The following SCHIP1 variants were observed in gnomAD, a reference collection of about 807,000 sequenced individuals.
SCHIP1 encodes the protein schwannomin-interacting protein 1.
SCHIP1 carries 8 observed loss-of-function variants against 29.7 expected under a neutral mutation model. That is an observed-to-expected ratio of 0.27 (90% confidence interval 0.16 to 0.49). The LOEUF is 0.49. Ranked by LOEUF, SCHIP1 falls within the 20% of genes least tolerant of loss-of-function variation. The pLI, the probability that SCHIP1 is intolerant of heterozygous loss-of-function variation, is 0.99. For missense variants in SCHIP1, 193 were observed against 294.6 expected (o/e 0.66, Z 2.52); for synonymous variants, 76 against 94.9 (o/e 0.80, Z 1.16).
the SCHIP1 span, among the ~76,000 whole-genome samples, chr3:159,773,455 C>T: frequency 2.0e-5 from 3 of 152,198 alleles, no homozygotes; most frequent in Non-Finnish European, 4.4e-5. Flanking sequence ...TCACCCGACT[C>T]CTAATTCCCA....
At chr3:159,773,408 C>T in the SCHIP1 span, among the ~76,000 whole-genome samples, 1 of 152,202 alleles carries the variant, frequency 6.6e-6, no homozygotes, top group South Asian at 2.1e-4. Context: ...CACATCTTCA[C>T]CTAACTTCCT....
the SCHIP1 span, among the ~76,000 whole-genome samples, chr3:159,582,326 G>A: frequency 6.6e-6 from 1 of 151,740 alleles, no homozygotes; most frequent in Admixed American, 6.6e-5. Flanking sequence ...ACCATGTCTG[G>A]CTTATTTTTT....
the SCHIP1 span, among the ~76,000 whole-genome samples, chr3:159,748,569 G>A: frequency 6.6e-6 from 1 of 152,150 alleles, no homozygotes; most frequent in African/African-American, 2.4e-5. Context: ...CTCCTTCACT[G>A]TGCCCAGCTC....
chr3:159,556,104 A>G, the SCHIP1 span, among the ~76,000 whole-genome samples: 1 of 152,186 alleles, frequency 6.6e-6, no homozygotes, highest in South Asian at 2.1e-4. Flanking sequence ...AAAAGTGGGC[A>G]AAGGACATGA....
the SCHIP1 span, among the ~76,000 whole-genome samples, chr3:159,650,995 G>C: frequency 2.0e-5 from 3 of 152,086 alleles, no homozygotes; most frequent in African/African-American, 7.2e-5. Context: ...TTACCTCTCT[G>C]TGACTCATCT....
At chr3:159,431,548 C>T in the SCHIP1 span, among the ~76,000 whole-genome samples, 1 of 151,784 alleles carries the variant, frequency 6.6e-6, no homozygotes, top group Admixed American at 6.6e-5. Context: ...AGAGGAAAAA[C>T]CAGGAGGAAG....
intron 1 of SCHIP1, among the ~76,000 whole-genome samples, chr3:159,858,368 G>T (rs1280726042): frequency 1.3e-5 from 2 of 152,158 alleles, no homozygotes; most frequent in East Asian, 3.8e-4. Context: ...TTTGTAGATT[G>T]CACCTTAGAC....
the SCHIP1 span, among the ~76,000 whole-genome samples, chr3:159,512,383 C>G: frequency 3.3e-5 from 5 of 152,168 alleles, no homozygotes; most frequent in African/African-American, 1.2e-4. Context: ...GACAATTTGA[C>G]AGTAAAAAGC....
the SCHIP1 span, among the ~76,000 whole-genome samples, chr3:159,323,278 GAAAT>G: frequency 2.6e-5 from 4 of 152,078 alleles, no homozygotes; most frequent in Non-Finnish European, 5.9e-5. Context: ...AAAGCCAAAA[GAAAT>G]AAATGATACA....
the SCHIP1 span, among the ~76,000 whole-genome samples, chr3:159,738,892 A>G: frequency 1.5e-4 from 23 of 152,306 alleles, no homozygotes; most frequent in South Asian, 4.8e-3. Flanking sequence ...GAAGCCAAAC[A>G]TGGGTCGGTC....
At chr3:159,646,441 T>C in the SCHIP1 span, among the ~76,000 whole-genome samples, 1 of 152,122 alleles carries the variant, frequency 6.6e-6, no homozygotes, top group Admixed American at 6.6e-5. Flanking sequence ...TTCTTAGAGC[T>C]GTACTGCGGT....
intron 5 of SCHIP1, among the ~76,000 whole-genome samples, chr3:159,890,052 G>A (rs527682386): frequency 1.5e-4 from 23 of 150,488 alleles, no homozygotes. Context: ...CCGAGATCTC[G>A]CCACTGCACT....
chr3:159,887,721 C>A, exon 4 of SCHIP1: 1 of 1,613,976 alleles, frequency 6.2e-7, no homozygotes, highest in South Asian at 1.1e-5. Context: ...AAACAGAGTT[C>A]TTCCTATTCT....
the SCHIP1 span, among the ~76,000 whole-genome samples, chr3:159,586,190 C>T: frequency 6.6e-6 from 1 of 152,068 alleles, no homozygotes; most frequent in Admixed American, 6.6e-5. Flanking sequence ...GACATTCGTC[C>T]CTAGGTGGTT....
At chr3:159,608,167 G>A in the SCHIP1 span, among the ~76,000 whole-genome samples, 1 of 152,158 alleles carries the variant, frequency 6.6e-6, no homozygotes, top group Non-Finnish European at 1.5e-5. Context: ...ATTCCAGAAA[G>A]CCATGATGAT....
chr3:159,625,828 ACCCT>A, the SCHIP1 span, among the ~76,000 whole-genome samples: 1 of 151,744 alleles, frequency 6.6e-6, no homozygotes, highest in South Asian at 2.1e-4. Context: ...CTTCTGTATT[ACCCT>A]CCCTATGTCT....
At chr3:159,614,514 C>G in the SCHIP1 span, among the ~76,000 whole-genome samples, 1 of 152,100 alleles carries the variant, frequency 6.6e-6, no homozygotes, top group African/African-American at 2.4e-5. Flanking sequence ...TTAACCTAAC[C>G]ACGGTGCTGT....
chr3:159,489,904 T>C, the SCHIP1 span, among the ~76,000 whole-genome samples: 1 of 152,050 alleles, frequency 6.6e-6, no homozygotes, highest in Non-Finnish European at 1.5e-5. Flanking sequence ...TATTTTTATA[T>C]GTATGTAATT....
At chr3:159,361,718 GGGA>G in the SCHIP1 span, among the ~76,000 whole-genome samples, 2 of 152,190 alleles carry the variant, frequency 1.3e-5, no homozygotes, top group Non-Finnish European at 2.9e-5. Context: ...TATTCACAGT[GGGA>G]GGAGAAGAGT....
Sources: gnomAD v4.1 joint callset for allele counts (sites outside exome capture counted in the v4.1 genomes callset) on GRCh38, gnomAD v4.1.1 for gene constraint, MANE v1.5 for transcripts, NCBI Gene and HGNC (gene_info 2026-07-23, HGNC 2026-07-21) for gene names.